OTUD7A: variants seen among roughly 807,000 people sequenced by gnomAD.
The protein encoded by OTUD7A is OTU deubiquitinase 7A, also known as OTU domain-containing protein 7A.
OTUD7A carries 12 observed loss-of-function variants against 65.7 expected under a neutral mutation model. The observed-to-expected ratio is 0.18, with a 90% CI of 0.12 to 0.30. The LOEUF is 0.30. OTUD7A is among the 10% of genes least tolerant of loss of function. The pLI is 1.00. For missense variants in OTUD7A, 1,148 were observed against 1,304.8 expected (o/e 0.88, Z 1.85); for synonymous variants, 641 against 586.3 (o/e 1.09, Z -1.35).
At chr15:31,777,203 T>A (rs1323631702) in intron 1 of OTUD7A, among the ~76,000 whole-genome samples, 1 of 152,130 alleles carries the variant, frequency 6.6e-6, no homozygotes, top group African/African-American at 2.4e-5. Flanking sequence ...CATCCTCACA[T>A]GACAGCCTTT....
chr15:31,684,060 T>C (rs926001513), intron 1 of OTUD7A, among the ~76,000 whole-genome samples: 11 of 152,148 alleles, frequency 7.2e-5, no homozygotes, highest in Non-Finnish European at 1.2e-4. Context: ...TTGGAAGCAA[T>C]TGATTTCAAC....
At chr15:31,591,106 T>G (rs1889709422) in intron 3 of OTUD7A, among the ~76,000 whole-genome samples, 1 of 151,974 alleles carries the variant, frequency 6.6e-6, no homozygotes, top group Admixed American at 6.5e-5. Context: ...GAGTGGAAGC[T>G]TCCCGGGAGA....
chr15:31,771,766 G>C (rs1037020729), intron 1 of OTUD7A, among the ~76,000 whole-genome samples: 1 of 152,104 alleles, frequency 6.6e-6, no homozygotes, highest in African/African-American at 2.4e-5. Context: ...CCCTGCACCA[G>C]ACCCCCCTCT....
At chr15:31,610,915 C>T (rs1031848756) in intron 3 of OTUD7A, among the ~76,000 whole-genome samples, 1 of 151,928 alleles carries the variant, frequency 6.6e-6, no homozygotes, top group Admixed American at 6.6e-5. Context: ...AGGCGTGAGC[C>T]ACCATGCCCG....
At chr15:31,565,142 G>C (rs1261032009) in intron 4 of OTUD7A, among the ~76,000 whole-genome samples, 1 of 152,104 alleles carries the variant, frequency 6.6e-6, no homozygotes, top group African/African-American at 2.4e-5. Flanking sequence ...AAACAGTTGA[G>C]AATAATCCAA....
intron 1 of OTUD7A, among the ~76,000 whole-genome samples, chr15:31,750,686 G>C (rs1261918524): frequency 6.6e-6 from 1 of 152,012 alleles, no homozygotes; most frequent in African/African-American, 2.4e-5. Flanking sequence ...AAAACAGAGA[G>C]CCCAGAAGTA....
intron 3 of OTUD7A, among the ~76,000 whole-genome samples, chr15:31,642,988 G>A (rs1891561796): frequency 1.3e-5 from 2 of 151,672 alleles, no homozygotes; most frequent in South Asian, 4.2e-4. Context: ...TTGAGGCCCT[G>A]CTTCTTTTCT....
At chr15:31,807,223 GCTAA>G (rs1337894494) in intron 1 of OTUD7A, among the ~76,000 whole-genome samples, 1 of 152,142 alleles carries the variant, frequency 6.6e-6, no homozygotes, top group African/African-American at 2.4e-5. Context: ...CCTCGGAGAA[GCTAA>G]CTAACTTGCC....
At chr15:31,732,967 T>C (rs762648977) in intron 1 of OTUD7A, among the ~76,000 whole-genome samples, 2 of 152,198 alleles carry the variant, frequency 1.3e-5, no homozygotes, top group Non-Finnish European at 2.9e-5. Flanking sequence ...AACTACTGGT[T>C]CAATCTCTAA....
chr15:31,846,357 T>C lies in OTUD7A; in HGVS notation c.-100+24150A>G, dbSNP rs533817762. ...GGTTTGTGGAGGAAGGGTATGGGAT[T>C]ACATATAAACTCTTTGGGTATGTTG... On this transcript the variant is annotated intron_variant, in intron 1 of 12. Transcript: ENST00000307050. 5.9e-5 allele frequency among the ~76,000 whole-genome samples: 9 copies of C among 152,318 alleles called. No individual in the cohort carries two copies. In the South Asian group the frequency reaches 1.7e-3, roughly 28 times the overall value.
At chr15:31,531,909 T>C (rs368022319) in intron 5 of OTUD7A, among the ~76,000 whole-genome samples, 1 of 152,166 alleles carries the variant, frequency 6.6e-6, no homozygotes, top group East Asian at 1.9e-4. Flanking sequence ...CTCTGCCTCC[T>C]CTCAGCTAGG....
In OTUD7A at chr15:31,483,283, C is replaced by G; in HGVS notation, c.*11G>C. Reference sequence around the variant, plus strand: ...AGGTAGAACCTCGCCGCCCGCGCCGCGCCGCGCCGCTCAGGGCCGGGCCCC... The same window carrying G: ...AGGTAGAACCTCGCCGCCCGCGCCGGGCCGCGCCGCTCAGGGCCGGGCCCC... On this transcript the variant is annotated 3_prime_UTR_variant, in exon 13 of 13. Transcript: ENST00000307050. The G allele has an allele frequency of 9.1e-7, 1 of 1,102,458 alleles. No homozygotes were observed. Among genetic ancestry groups the G allele is most frequent in the Non-Finnish European group, 1.1e-6 (1 of 907,118 alleles). The allele number at this position is 1,102,458 out of a possible 1,614,324, so 68.3% of individuals were successfully genotyped here.
chr15:31,565,931 G>A (rs192346088), intron 4 of OTUD7A, among the ~76,000 whole-genome samples: 153 of 152,264 alleles, frequency 1.0e-3, no homozygotes, highest in South Asian at 1.7e-3. Flanking sequence ...GGTGGCTCAC[G>A]CCTGTAATCC....
intron 1 of OTUD7A, among the ~76,000 whole-genome samples, chr15:31,698,305 T>C (rs1165664576): frequency 1.3e-5 from 2 of 152,226 alleles, no homozygotes; most frequent in Non-Finnish European, 2.9e-5. Context: ...TTCCCTGGTA[T>C]CATGACCTGT....
intron 1 of OTUD7A, among the ~76,000 whole-genome samples, chr15:31,753,237 T>A (rs991987255): frequency 5.3e-5 from 8 of 151,710 alleles, no homozygotes; most frequent in East Asian, 3.9e-4. Context: ...TTTTTTTTTT[T>A]AAGCAAACTC....
intron 1 of OTUD7A, among the ~76,000 whole-genome samples, chr15:31,772,270 AAT>A (rs1895259750): frequency 6.6e-6 from 1 of 151,700 alleles, no homozygotes; most frequent in Non-Finnish European, 1.5e-5. Flanking sequence ...AAAAAAAAAA[AAT>A]ATTTTAGAGT....
intron 3 of OTUD7A, 104 bp from the exon 4 acceptor site, chr15:31,570,301 T>C: frequency 7.7e-7 from 1 of 1,302,564 alleles, no homozygotes; most frequent in Non-Finnish European, 1.1e-6. Flanking sequence ...GGACATAAAC[T>C]AATGAATTTT....
chr15:31,725,290 C>T (rs1055086705), intron 1 of OTUD7A, among the ~76,000 whole-genome samples: 1 of 152,194 alleles, frequency 6.6e-6, no homozygotes, highest in African/African-American at 2.4e-5. Context: ...TTCAGGGTTT[C>T]TATGGCCATT....
intron 1 of OTUD7A, among the ~76,000 whole-genome samples, chr15:31,681,654 A>G (rs1203206657): frequency 1.3e-5 from 2 of 151,838 alleles, no homozygotes; most frequent in African/African-American, 4.9e-5. Flanking sequence ...ACTGTCTAAT[A>G]ATGACTGTCT....
Sources: allele counts gnomAD v4.1 joint callset (sites outside exome capture counted in the v4.1 genomes callset), GRCh38; gene constraint gnomAD v4.1.1; transcripts MANE v1.5; gene names NCBI Gene and HGNC (gene_info 2026-07-23, HGNC 2026-07-21).